The following DIAPH1 variants were observed in gnomAD, a reference collection of about 807,000 sequenced individuals.
DIAPH1 encodes protein diaphanous homolog 1.
DIAPH1 carries 46 observed loss-of-function variants against 140.7 expected under a neutral mutation model. That is an observed-to-expected ratio of 0.33 (90% CI 0.26 to 0.42). The LOEUF (loss-of-function observed/expected upper bound fraction) is 0.42. Ranked by LOEUF, DIAPH1 falls within the 10% of genes least tolerant of loss-of-function variation. The probability of loss-of-function intolerance (pLI) is 1.00; values close to 1 mark genes in which losing one functional copy is unlikely to be tolerated. For missense variants in DIAPH1, 1,310 were observed against 1,558.7 expected (o/e 0.84, Z 2.69); for synonymous variants, 565 against 551.6 (o/e 1.02, Z -0.34).
intron 18 of DIAPH1, among the ~76,000 whole-genome samples, chr5:141,537,426 T>C (rs2154595212): frequency 7.6e-6 from 1 of 130,932 alleles, no homozygotes; most frequent in East Asian, 2.2e-4. Context: ...GAGGTTGTGG[T>C]GAGCTGAGAT....
At position 141,559,609 on chromosome 5, in the gene DIAPH1, G is replaced by A. The variant is rs148164745; in HGVS notation, c.2482+11819C>T. Among the ~76,000 whole-genome samples, 565 of 152,322 alleles carry A rather than the reference G, an allele frequency of 3.7e-3. 5 individuals are homozygous for A. The highest frequency in any genetic ancestry group is 0.011 in the Admixed American group (163 of 15,296). Reference sequence around the variant, plus strand: ...ATCTGGGCACTTCACCAAGCATTTGGTCTTTCAGATAATATAGTCATTGAG... The same window carrying A: ...ATCTGGGCACTTCACCAAGCATTTGATCTTTCAGATAATATAGTCATTGAG... On this transcript the variant is annotated intron_variant, in intron 18 of 27. Coordinates refer to ENST00000389054, the MANE Select transcript of DIAPH1 (RefSeq NM_005219.5).
rs558029774 is a variant in DIAPH1, at chr5:141,575,160, G to A, written c.1462-14C>T. 2.5e-6 allele frequency: 4 copies of A among 1,613,912 alleles called. No homozygotes were observed. In the South Asian group the frequency reaches 3.3e-5, roughly 13 times the overall value. On this transcript the variant is annotated splice_polypyrimidine_tract_variant and intron_variant, in intron 14 of 27. Transcript: ENST00000389054. ...CTCTGAGTCCAACTAGAGAAAAAAC[G>A]AATCAGGCTCCCAGCAAGCTCTCCA... is the stretch of plus-strand genomic sequence containing the variant.
intron 1 of DIAPH1, among the ~76,000 whole-genome samples, chr5:141,601,889 TATGA>T (rs1420072879): frequency 6.6e-6 from 1 of 152,180 alleles, no homozygotes; most frequent in African/African-American, 2.4e-5. Context: ...TGTCTTTCCT[TATGA>T]ATGAGACCAA....
intron 1 of DIAPH1, chr5:141,588,915 A>T (rs550076480): frequency 2.0e-4 from 30 of 152,450 alleles, no homozygotes; most frequent in African/African-American, 6.0e-4. Context: ...CCATCTGGAT[A>T]TATTGGAACC....
Position 141,587,113 on chromosome 5 carries a change from C to T in DIAPH1, c.229G>A (p.Asp77Asn), listed in dbSNP as rs770410701. 1.2e-6 allele frequency: 2 copies of T among 1,614,088 alleles called. No individual in the cohort carries two copies. The highest frequency in any genetic ancestry group is 1.7e-6 in the Non-Finnish European group (2 of 1,179,964). ...TGCAATGACTGTGCTGTGGGATCAT[C>T]CCCATATGATGCAGAAGAATTTCTA... ...AHRNSSASYG[D>N]DPTAQSLQDV... Residue 77 changes from aspartate to asparagine, a missense_variant, in exon 3 of 28, where the codon GAT (aspartate) becomes AAT (asparagine). This residue lies in a region of DIAPH1 where 377 missense variants were observed against 497.1 expected (regional missense o/e 0.76). Transcript: ENST00000389054.
At chr5:141,605,302 T>C (rs552156103) in intron 1 of DIAPH1, among the ~76,000 whole-genome samples, 1 of 152,198 alleles carries the variant, frequency 6.6e-6, no homozygotes, top group South Asian at 2.1e-4. Flanking sequence ...ATAAAGGCAA[T>C]GTTGTAAAAA....
intron 18 of DIAPH1, among the ~76,000 whole-genome samples, chr5:141,554,871 T>C (rs1291710074): frequency 6.6e-6 from 1 of 152,074 alleles, no homozygotes. Flanking sequence ...CTTAGCATAT[T>C]AGAAATCGAA....
intron 1 of DIAPH1, among the ~76,000 whole-genome samples, chr5:141,595,080 A>C (rs2099899103): frequency 6.6e-6 from 1 of 152,028 alleles, no homozygotes; most frequent in South Asian, 2.1e-4. Context: ...AAAAGGCTAC[A>C]TATTATATGT....
chr5:141,579,735 G>A (rs988289776), intron 8 of DIAPH1, among the ~76,000 whole-genome samples: 1 of 152,058 alleles, frequency 6.6e-6, no homozygotes, highest in Non-Finnish European at 1.5e-5. Flanking sequence ...GGATCACAAG[G>A]TCAGGAGTTC....
At chr5:141,601,619 G>T (rs1202704629) in intron 1 of DIAPH1, among the ~76,000 whole-genome samples, 1 of 152,116 alleles carries the variant, frequency 6.6e-6, no homozygotes. Flanking sequence ...CAGATCATTT[G>T]TTGTAACTTT....
rs115810899 is a variant in DIAPH1, at chr5:141,556,335, G to A, written c.2482+15093C>T. On this transcript the variant is annotated intron_variant, in intron 18 of 27. Transcript: ENST00000389054. Reference sequence around the variant, plus strand: ...AAAAGTATTCGGGAAAAAAAAAGCTGATACTCTAGAATCACCATAGGGATG... The same window carrying A: ...AAAAGTATTCGGGAAAAAAAAAGCTAATACTCTAGAATCACCATAGGGATG... Among the ~76,000 whole-genome samples, 514 of 152,248 alleles carry A rather than the reference G, an allele frequency of 3.4e-3. 3 individuals are homozygous for A. Among genetic ancestry groups the A allele is most frequent in the Non-Finnish European group, 5.5e-3 (372 of 68,020 alleles).
At chr5:141,523,651 A>G (rs1478531674) in intron 27 of DIAPH1, among the ~76,000 whole-genome samples, 1 of 151,836 alleles carries the variant, frequency 6.6e-6, no homozygotes, top group Admixed American at 6.6e-5. Flanking sequence ...ATGCTCCTCT[A>G]TATTTTTCTA....
At chr5:141,526,275 T>C in intron 25 of DIAPH1, 22 bp downstream of exon 25, 1 of 1,614,142 alleles carries the variant, frequency 6.2e-7, no homozygotes, top group Non-Finnish European at 8.5e-7. Flanking sequence ...AAAGATTCAG[T>C]CAGCAAGTAT....
intron 1 of DIAPH1, among the ~76,000 whole-genome samples, chr5:141,595,053 A>G (rs189408535): frequency 2.0e-5 from 3 of 152,064 alleles, no homozygotes; most frequent in East Asian, 3.9e-4. Context: ...AAAAAAAAAA[A>G]AAAGAAAGAA....
In DIAPH1 at chr5:141,529,588, C is replaced by G; in HGVS notation, c.2676+15G>C. Reference sequence around the variant, plus strand: ...ACAGAAGAGCCTGCTCCAGCAGAACCACCTTACTCCTTACCTGGATCATAG... The same window carrying G: ...ACAGAAGAGCCTGCTCCAGCAGAACGACCTTACTCCTTACCTGGATCATAG... On this transcript the variant is annotated intron_variant, in intron 20 of 27. Transcript: ENST00000389054. 6.2e-7 allele frequency: 1 copy of G among 1,606,026 alleles called. No individual in the cohort carries two copies. The highest frequency in any genetic ancestry group is 2.2e-5 in the East Asian group (1 of 44,836).
At chr5:141,612,100 A>C (rs575938464) in intron 1 of DIAPH1, among the ~76,000 whole-genome samples, 3 of 152,270 alleles carry the variant, frequency 2.0e-5, no homozygotes, top group Non-Finnish European at 4.4e-5. Context: ...AAATAAATAA[A>C]GCATACTGAG....
Position 141,618,906 on chromosome 5 carries a change from C to A in DIAPH1, c.9G>T (p.Pro3=), listed in dbSNP as rs1277870477. 6.6e-7 allele frequency: 1 copy of A among 1,509,040 alleles called. No individual in the cohort carries two copies. The highest frequency in any genetic ancestry group is 8.9e-7 in the Non-Finnish European group (1 of 1,127,706). The allele number at this position is 1,509,040 out of a possible 1,614,324, so 93.5% of individuals were successfully genotyped here. Residue 3 remains proline (P), a synonymous_variant, in exon 1 of 28, where the codon CCG becomes CCT. Transcript: ENST00000389054. ...GGCCGGGCCCCAGGCTCCCGCCGGG[C>A]GGCTCCATGTCCCGGTTCACGCTGG... The part of the protein sequence containing the change: ME[P]PGGSLGPGRG...
Position 141,618,804 on chromosome 5 carries a change from C to T in DIAPH1, c.111G>A (p.Lys37=), listed in dbSNP as rs769909527. The T allele has an allele frequency of 2.6e-6, 4 of 1,552,804 alleles. No homozygotes were observed. In the South Asian group the frequency reaches 4.8e-5, roughly 19 times the overall value. ...PSAGGDGGKS[K]KFTLKRLMAD... is the part of the protein sequence containing the mutation. The stretch of plus-strand genomic sequence containing the variant: ...GGATGGGAGGGACACTCACAAATTT[C>T]TTAGATTTGCCGCCGTCGCCGCCCG... The change falls in exon 1 of 28, where the codon AAG becomes AAA. Residue 37 remains lysine (K), a synonymous_variant. Transcript: ENST00000389054.
At chr5:141,536,077 A>T (rs1366894016) in intron 18 of DIAPH1, 1 of 459,302 alleles carries the variant, frequency 2.2e-6, no homozygotes, top group Non-Finnish European at 4.5e-6. Flanking sequence ...AGGTGGGCAG[A>T]TCACTTGAGC....
Sources: allele counts gnomAD v4.1 joint callset (sites outside exome capture counted in the v4.1 genomes callset), GRCh38; gene constraint gnomAD v4.1.1; regional missense constraint gnomAD v4.1.1; transcripts MANE v1.5; gene names NCBI Gene and HGNC (gene_info 2026-07-23, HGNC 2026-07-21).